Variants in NAALADL2 observed in about 807,000 individuals in gnomAD.
NAALADL2 encodes the protein inactive N-acetylated-alpha-linked acidic dipeptidase-like protein 2.
NAALADL2 carries 76 observed loss-of-function variants against 87.2 expected under a neutral mutation model. The observed-to-expected ratio is 0.87, with a 90% CI of 0.72 to 1.05. The LOEUF (loss-of-function observed/expected upper bound fraction) is 1.05, where lower values mean the gene tolerates loss of function less well. Among genes scored for constraint, NAALADL2 ranks in the 50% least tolerant of loss-of-function variants. The pLI is 0.00. For synonymous variants in NAALADL2, 354 were observed against 331.0 expected, an observed-to-expected ratio of 1.07 and a Z score of -0.75; for missense variants, 1,089 against 945.8, an observed-to-expected ratio of 1.15 and a Z score of -1.99.
chr3:174,795,751 T>C (rs1373017439), intron 3 of NAALADL2, among the ~76,000 whole-genome samples: 1 of 152,206 alleles, frequency 6.6e-6, no homozygotes, highest in Non-Finnish European at 1.5e-5. Flanking sequence ...TGAAGTAATA[T>C]AATGATTTTG....
At chr3:174,875,112 C>CAAA (rs10547300) in intron 1 of NAALADL2, among the ~76,000 whole-genome samples, 51 of 41,528 alleles carry the variant, frequency 1.2e-3, no homozygotes, top group African/African-American at 1.4e-3. Flanking sequence ...GACCCTGTCT[C>CAAA]AAAAAAAAAA....
intron 1 of NAALADL2, among the ~76,000 whole-genome samples, chr3:174,959,747 A>G (rs939666261): frequency 6.6e-5 from 10 of 152,042 alleles, no homozygotes; most frequent in African/African-American, 2.4e-4. Flanking sequence ...GCCCAAAGTA[A>G]TGCCTTTTAT....
chr3:174,937,256 A>C (rs1290128200), intron 1 of NAALADL2, among the ~76,000 whole-genome samples: 1 of 152,074 alleles, frequency 6.6e-6, no homozygotes, highest in Non-Finnish European at 1.5e-5. Flanking sequence ...AATACAGAAG[A>C]AAGCTAAGCT....
intron 9 of NAALADL2, among the ~76,000 whole-genome samples, chr3:175,488,950 ATGGATTTCCCTG>A (rs1231923244): frequency 6.6e-6 from 1 of 152,162 alleles, no homozygotes; most frequent in Non-Finnish European, 1.5e-5. Context: ...GAAATGGCTG[ATGGATTTCCCTG>A]TGGATGGCAG....
intron 5 of NAALADL2, among the ~76,000 whole-genome samples, chr3:175,330,559 A>T (rs1292593255): frequency 6.6e-6 from 1 of 152,196 alleles, no homozygotes; most frequent in Admixed American, 6.5e-5. Flanking sequence ...AATGAACAAC[A>T]TGCTCCTAAA....
chr3:174,755,009 C>T (rs767137812), intron 3 of NAALADL2, among the ~76,000 whole-genome samples: 1 of 152,164 alleles, frequency 6.6e-6, no homozygotes, highest in Non-Finnish European at 1.5e-5. Flanking sequence ...TGTGTCCCCA[C>T]CCAAATCTCG....
intron 3 of NAALADL2, among the ~76,000 whole-genome samples, chr3:174,823,192 T>TTTG (rs777451538): frequency 7.2e-5 from 11 of 152,050 alleles, no homozygotes; most frequent in Admixed American, 3.9e-4. Flanking sequence ...AGTTTTCCTT[T>TTTG]TTGTTGTTGT....
At chr3:174,816,211 C>G (rs1418494883) in intron 3 of NAALADL2, among the ~76,000 whole-genome samples, 1 of 151,578 alleles carries the variant, frequency 6.6e-6, no homozygotes, top group Non-Finnish European at 1.5e-5. Flanking sequence ...TCATCGTATC[C>G]TTTTTCCCCC....
intron 2 of NAALADL2, among the ~76,000 whole-genome samples, chr3:174,716,338 C>G (rs1487188288): frequency 6.6e-6 from 1 of 151,880 alleles, no homozygotes; most frequent in African/African-American, 2.4e-5. Context: ...GTATTTTTTG[C>G]TTATTTTGTT....
intron 3 of NAALADL2, among the ~76,000 whole-genome samples, chr3:174,850,590 C>T (rs549383068): frequency 2.6e-5 from 4 of 152,162 alleles, no homozygotes; most frequent in African/African-American, 9.6e-5. Context: ...AATATTCATG[C>T]TCTGAATGCT....
At chr3:174,830,747 T>C (rs1722581865) in intron 3 of NAALADL2, among the ~76,000 whole-genome samples, 1 of 152,176 alleles carries the variant, frequency 6.6e-6, no homozygotes, top group African/African-American at 2.4e-5. Context: ...GAGCATGGAA[T>C]GTTCTTCCAC....
intron 2 of NAALADL2, among the ~76,000 whole-genome samples, chr3:174,636,035 T>A (rs970176866): frequency 6.6e-6 from 1 of 152,098 alleles, no homozygotes; most frequent in Non-Finnish European, 1.5e-5. Flanking sequence ...GCCAGAAAAA[T>A]ATGGAAATGC....
At chr3:175,058,431 A>C (rs773701472) in intron 1 of NAALADL2, among the ~76,000 whole-genome samples, 1 of 152,204 alleles carries the variant, frequency 6.6e-6, no homozygotes, top group East Asian at 1.9e-4. Flanking sequence ...GGCACTGAAC[A>C]AGTCTCTATT....
intron 11 of NAALADL2, among the ~76,000 whole-genome samples, chr3:175,700,074 A>T (rs1384925235): frequency 6.6e-6 from 1 of 152,106 alleles, no homozygotes; most frequent in Admixed American, 6.6e-5. Context: ...CTTCCCTTAT[A>T]TTTGCAATCA....
intron 1 of NAALADL2, among the ~76,000 whole-genome samples, chr3:175,089,681 CATTA>C (rs1719715648): frequency 6.6e-6 from 1 of 152,072 alleles, no homozygotes; most frequent in East Asian, 1.9e-4. Flanking sequence ...ATAAAAAAGA[CATTA>C]ATAGATTTCT....
At chr3:174,928,909 A>C (rs956515998) in intron 1 of NAALADL2, among the ~76,000 whole-genome samples, 2 of 152,210 alleles carry the variant, frequency 1.3e-5, no homozygotes, top group Non-Finnish European at 2.9e-5. Context: ...ACAGTGGAAA[A>C]TGAAACTCTT....
chr3:175,288,512 G>A (rs1755256957), intron 4 of NAALADL2, among the ~76,000 whole-genome samples: 1 of 152,118 alleles, frequency 6.6e-6, no homozygotes, highest in South Asian at 2.1e-4. Flanking sequence ...GATTCTTCAA[G>A]TAATCTATCA....
chr3:174,934,553 T>C (rs978982864), intron 1 of NAALADL2, among the ~76,000 whole-genome samples: 1 of 152,136 alleles, frequency 6.6e-6, no homozygotes, highest in African/African-American at 2.4e-5. Context: ...GGGTCATGTC[T>C]GTAATCCCAG....
chr3:174,574,339 A>T (rs547228985), intron 2 of NAALADL2, among the ~76,000 whole-genome samples: 1 of 152,188 alleles, frequency 6.6e-6, no homozygotes, highest in African/African-American at 2.4e-5. Flanking sequence ...TATATTTTTG[A>T]ACTTGTGAAC....
Sources: allele counts gnomAD v4.1 joint callset (sites outside exome capture counted in the v4.1 genomes callset), GRCh38; gene constraint gnomAD v4.1.1; transcripts MANE v1.5; gene names NCBI Gene and HGNC (gene_info 2026-07-23, HGNC 2026-07-21).